PDSS1: variants seen among roughly 807,000 people sequenced by gnomAD.
PDSS1 encodes the protein decaprenyl diphosphate synthase subunit 1.
In PDSS1, 43 loss-of-function variants were observed where a neutral mutation model predicts 57.5. The observed-to-expected ratio is 0.75, with a 90% confidence interval of 0.59 to 0.96. The LOEUF (loss-of-function observed/expected upper bound fraction) is 0.96, where lower values mean the gene tolerates loss of function less well. Ranked by LOEUF, PDSS1 falls within the 50% of genes least tolerant of loss-of-function variation. The pLI, the probability that PDSS1 is intolerant of heterozygous loss-of-function variation, is 0.00. For synonymous variants in PDSS1, 175 were observed against 191.3 expected (o/e 0.91, Z 0.70); for missense variants, 438 against 527.8 (o/e 0.83, Z 1.67).
chr10:26,717,631 A>G (rs1157802654), intron 5 of PDSS1: 1 of 152,212 alleles, frequency 6.6e-6, no homozygotes, highest in African/African-American at 2.4e-5. Context: ...AAACAACTCT[A>G]GTATCTTGGT....
intron 8 of PDSS1, among the ~76,000 whole-genome samples, chr10:26,732,344 C>T (rs1836236896): frequency 6.6e-6 from 1 of 152,192 alleles, no homozygotes; most frequent in African/African-American, 2.4e-5. Context: ...GAAATCTGAG[C>T]AGTAATGTCC....
chr10:26,708,104 C>T (rs1012920033), intron 4 of PDSS1, among the ~76,000 whole-genome samples: 2 of 152,244 alleles, frequency 1.3e-5, no homozygotes, highest in African/African-American at 4.8e-5. Context: ...GATCGTTTTA[C>T]TTCTCCCCAT....
chr10:26,701,278 T>C (rs1041861624), intron 1 of PDSS1, among the ~76,000 whole-genome samples: 1 of 152,250 alleles, frequency 6.6e-6, no homozygotes, highest in Non-Finnish European at 1.5e-5. Flanking sequence ...TCAAGCTGGC[T>C]GCAGACATTT....
chr10:26,720,485 C>T (rs1835748858), intron 6 of PDSS1, 126 bp downstream of exon 6: 3 of 729,714 alleles, frequency 4.1e-6, no homozygotes, highest in Non-Finnish European at 7.4e-6. Flanking sequence ...TTCTGAATTT[C>T]AAAAAAGTAT....
chr10:26,709,549 G>A (rs576943737), intron 4 of PDSS1, 89 bp from the exon 5 acceptor site: 12 of 1,367,424 alleles, frequency 8.8e-6, no homozygotes, highest in African/African-American at 2.9e-5. Flanking sequence ...CAACAAGAGC[G>A]AAACTCCGTC....
chr10:26,732,745 G>T (rs1836256101), intron 8 of PDSS1, among the ~76,000 whole-genome samples: 1 of 152,136 alleles, frequency 6.6e-6, no homozygotes, highest in Non-Finnish European at 1.5e-5. Flanking sequence ...CATATTTGTG[G>T]GATATTGTGA....
At chr10:26,746,228 G>C in intron 11 of PDSS1, 105 bp from the exon 12 acceptor site, 1 of 1,126,086 alleles carries the variant, frequency 8.9e-7, no homozygotes, top group East Asian at 2.4e-5. Flanking sequence ...GTAATCCTCA[G>C]CTCATCTGAT....
At position 26,713,172 on chromosome 10, in the gene PDSS1, G is replaced by A. The variant is rs77560176; in HGVS notation, c.467+3404G>A. On this transcript the variant is annotated intron_variant, in intron 5 of 11. Coordinates refer to ENST00000376215, the MANE Select transcript of PDSS1 (RefSeq NM_014317.5). ...CTGGGCATGGTGGCACGCACCTGTC[G>A]TCCCAGCTATTCCGGAGGCTGGGGC... 3.2e-5 allele frequency among the ~76,000 whole-genome samples: 2 copies of A among 62,590 alleles called. 1 individual carries two copies. The highest frequency in any genetic ancestry group is 7.2e-4 in the East Asian group (2 of 2,776). The allele number at this position is 62,590 out of a possible 152,430, so 41.1% of individuals were successfully genotyped here.
intron 10 of PDSS1, among the ~76,000 whole-genome samples, chr10:26,737,237 T>C (rs1836435763): frequency 6.6e-6 from 1 of 152,218 alleles, no homozygotes; most frequent in African/African-American, 2.4e-5. Context: ...AAGTTACCGG[T>C]TGAGTCCTAC....
At chr10:26,734,895 C>T (rs540908881) in intron 8 of PDSS1, among the ~76,000 whole-genome samples, 12 of 152,218 alleles carry the variant, frequency 7.9e-5, no homozygotes, top group East Asian at 5.8e-4. Flanking sequence ...GATGGGGGTC[C>T]GTTTCTTTTG....
In PDSS1 at chr10:26,711,816, C is replaced by T. The variant is rs573992887; in HGVS notation, c.467+2048C>T. On this transcript the variant is annotated intron_variant, in intron 5 of 11. Coordinates refer to ENST00000376215, the MANE Select transcript of PDSS1 (RefSeq NM_014317.5). Reference sequence around the variant, plus strand: ...CCAAGTGTCCCATGGTCCCACGCAGCGCAGATTCGCCCCTGGTTGAGAATC... The same window carrying T: ...CCAAGTGTCCCATGGTCCCACGCAGTGCAGATTCGCCCCTGGTTGAGAATC... Among the ~76,000 whole-genome samples the T allele has an allele frequency of 2.1e-5, 2 of 93,870 alleles. 1 individual carries two copies. Among genetic ancestry groups the T allele is most frequent in the African/African-American group, 6.9e-5 (2 of 28,828 alleles). The allele number at this position is 93,870 out of a possible 152,430, so 61.6% of individuals were successfully genotyped here.
In PDSS1 at chr10:26,723,795, T is replaced by C; in HGVS notation, c.610-11T>C. 6.3e-7 allele frequency: 1 copy of C among 1,579,868 alleles called. No homozygotes were observed. Among genetic ancestry groups the C allele is most frequent in the Non-Finnish European group, 8.7e-7 (1 of 1,148,770 alleles). On this transcript the variant is annotated splice_polypyrimidine_tract_variant and intron_variant, in intron 6 of 11. Coordinates refer to ENST00000376215, the MANE Select transcript of PDSS1 (RefSeq NM_014317.5). The stretch of plus-strand genomic sequence containing the variant: ...TTCAGAACGTTCTGTTTTCCCCCTG[T>C]CTTTTTCTAGGCTGTTCTTGCTGGA...
chr10:26,738,336 G>A (rs944666689), intron 10 of PDSS1, among the ~76,000 whole-genome samples: 11 of 152,088 alleles, frequency 7.2e-5, no homozygotes, highest in Non-Finnish European at 5.9e-5. Context: ...CCCAAACCTC[G>A]CCAAAATTAA....
intron 11 of PDSS1, among the ~76,000 whole-genome samples, chr10:26,745,423 G>A (rs916515968): frequency 7.2e-5 from 11 of 152,314 alleles, no homozygotes; most frequent in Non-Finnish European, 1.5e-4. Context: ...TGAAGTTGAT[G>A]CTACCTAACA....
intron 8 of PDSS1, among the ~76,000 whole-genome samples, chr10:26,730,233 C>T (rs886394613): frequency 2.0e-5 from 3 of 151,694 alleles, no homozygotes; most frequent in African/African-American, 4.8e-5. Flanking sequence ...ATTTTTATTC[C>T]ACTTTAGGGA....
At chr10:26,730,211 C>G (rs1430130570) in intron 8 of PDSS1, among the ~76,000 whole-genome samples, 1 of 152,122 alleles carries the variant, frequency 6.6e-6, no homozygotes, top group Non-Finnish European at 1.5e-5. Flanking sequence ...CGCGCCCAGC[C>G]TAGTTGGATT....
intron 4 of PDSS1, among the ~76,000 whole-genome samples, chr10:26,705,822 A>G (rs947230625): frequency 1.3e-5 from 2 of 152,226 alleles, no homozygotes; most frequent in Non-Finnish European, 2.9e-5. Context: ...TCAAGTTTCA[A>G]ATGTTTCTTG....
At chr10:26,701,142 T>C (rs11015234) in intron 1 of PDSS1, among the ~76,000 whole-genome samples, 3,827 of 152,324 alleles carry the variant, frequency 0.025, 129 homozygotes, top group South Asian at 0.14. Context: ...TAGAGATCTG[T>C]GGAACTTTGA....
chr10:26,724,474 A>G (rs1835890081), intron 8 of PDSS1, among the ~76,000 whole-genome samples: 1 of 152,164 alleles, frequency 6.6e-6, no homozygotes, highest in South Asian at 2.1e-4. Flanking sequence ...CTGACACTTC[A>G]CCTTTTAGAA....
Sources: gnomAD v4.1 joint callset for allele counts (sites outside exome capture counted in the v4.1 genomes callset) on GRCh38, gnomAD v4.1.1 for gene constraint, MANE v1.5 for transcripts, NCBI Gene and HGNC (gene_info 2026-07-23, HGNC 2026-07-21) for gene names.